The following UCK2 variants were observed in gnomAD, a reference collection of about 807,000 sequenced individuals.
UCK2 encodes the protein cytidine monophosphokinase 2.
Under a neutral mutation model 30.8 loss-of-function variants are expected in UCK2, and 6 were observed. The ratio of observed to expected loss-of-function variants is 0.19; its 90% CI spans 0.11 to 0.38. UCK2 has a LOEUF of 0.38. UCK2 is among the 10% of genes least tolerant of loss of function. UCK2 has a pLI of 1.00. For synonymous variants in UCK2, 125 were observed against 133.6 expected (o/e 0.94, Z 0.45); for missense variants, 210 against 339.8 (o/e 0.62, Z 3.00).
chr1:165,893,223 A>G (rs1050405222), intron 3 of UCK2, among the ~76,000 whole-genome samples: 2 of 152,222 alleles, frequency 1.3e-5, no homozygotes, highest in African/African-American at 4.8e-5. Context: ...GGGAAGTTGA[A>G]GACCTCGTGC....
intron 1 of UCK2, chr1:165,885,243 GAGA>G: frequency 2.5e-6 from 1 of 394,210 alleles, no homozygotes; most frequent in Middle Eastern, 6.4e-4. Flanking sequence ...CCTATGGTTT[GAGA>G]CTCAGCTTTG....
At chr1:165,896,473 C>G (rs1017028138) in intron 4 of UCK2, 141 bp downstream of exon 4, 1 of 930,912 alleles carries the variant, frequency 1.1e-6, no homozygotes, top group Admixed American at 2.2e-5. Flanking sequence ...TGGTCCAGCC[C>G]GGCTGCGTCA....
chr1:165,848,658 ACC>A (rs1187371771), intron 1 of UCK2, among the ~76,000 whole-genome samples: 2 of 150,690 alleles, frequency 1.3e-5, no homozygotes, highest in Non-Finnish European at 3.0e-5. Context: ...ACACACACAC[ACC>A]CACACACACA....
At chr1:165,882,870 G>T (rs951620446) in intron 1 of UCK2, among the ~76,000 whole-genome samples, 2 of 152,112 alleles carry the variant, frequency 1.3e-5, no homozygotes, top group African/African-American at 4.8e-5. Flanking sequence ...CTGTCACGAG[G>T]CTGGAGTGCA....
At chr1:165,872,210 G>C (rs1481270215) in intron 1 of UCK2, among the ~76,000 whole-genome samples, 1 of 152,150 alleles carries the variant, frequency 6.6e-6, no homozygotes, top group African/African-American at 2.4e-5. Context: ...AAGTAGCTGG[G>C]ATCATAGGTG....
intron 1 of UCK2, among the ~76,000 whole-genome samples, chr1:165,837,643 A>C: frequency 6.6e-6 from 1 of 152,152 alleles, no homozygotes. Context: ...TTGCTTGTTT[A>C]GTCTATCTTC....
chr1:165,890,182 G>A, intron 1 of UCK2, 22 bp from the exon 2 acceptor site: 1 of 1,613,038 alleles, frequency 6.2e-7, no homozygotes, highest in African/African-American at 1.3e-5. Flanking sequence ...TTATTCCTGG[G>A]TGCTCTCTTC....
Position 165,890,475 on chromosome 1 carries a change from A to C in UCK2, c.259+112A>C. ...CTCTCGGAATCTTGTTTCTATCTAG[A>C]ACGTAGGGACTTGATAACTACCTTG... On this transcript the variant is annotated intron_variant, in intron 2 of 6. Transcript: ENST00000367879. 3.7e-6 allele frequency: 4 copies of C among 1,086,288 alleles called. No individual in the cohort carries two copies. The South Asian group carries it at 6.0e-5, about 16-fold the overall frequency. 67.3% of individuals were successfully genotyped at this position (1,086,288 alleles called of 1,614,324 possible).
intron 1 of UCK2, among the ~76,000 whole-genome samples, chr1:165,881,697 C>G (rs1473215163): frequency 4.6e-5 from 7 of 152,160 alleles, no homozygotes; most frequent in Admixed American, 4.6e-4. Context: ...TGACATATAG[C>G]ATGTTCTGTG....
chr1:165,898,496 T>G (rs1432164455), intron 4 of UCK2, among the ~76,000 whole-genome samples: 1 of 152,144 alleles, frequency 6.6e-6, no homozygotes, highest in Non-Finnish European at 1.5e-5. Flanking sequence ...TCCAAGGGGA[T>G]CTGCTCCGGT....
At chr1:165,896,479 C>A in intron 4 of UCK2, 147 bp downstream of exon 4, 2 of 865,514 alleles carry the variant, frequency 2.3e-6, no homozygotes, top group Non-Finnish European at 1.8e-6. Flanking sequence ...AGCCCGGCTG[C>A]GTCAGTCCAG....
At chr1:165,867,674 A>G (rs890651563) in intron 1 of UCK2, among the ~76,000 whole-genome samples, 3 of 152,250 alleles carry the variant, frequency 2.0e-5, no homozygotes, top group African/African-American at 7.2e-5. Context: ...TGAGATTGCA[A>G]CAATTCAGTC....
chr1:165,843,604 C>T, intron 1 of UCK2, among the ~76,000 whole-genome samples: 1 of 152,074 alleles, frequency 6.6e-6, no homozygotes, highest in Non-Finnish European at 1.5e-5. Flanking sequence ...TAGTAGAACC[C>T]CCCATCTCTA....
chr1:165,867,329 C>T (rs532938165), intron 1 of UCK2, among the ~76,000 whole-genome samples: 144 of 152,266 alleles, frequency 9.5e-4, no homozygotes, highest in Non-Finnish European at 1.7e-3. Context: ...AAGTTTGCCA[C>T]GTTGATTGAC....
intron 1 of UCK2, among the ~76,000 whole-genome samples, chr1:165,857,791 C>G (rs1229144532): frequency 1.3e-5 from 2 of 152,178 alleles, no homozygotes. Flanking sequence ...TGGCTGACAT[C>G]TGTCATTCTA....
intron 1 of UCK2, among the ~76,000 whole-genome samples, chr1:165,839,896 G>A (rs1250200573): frequency 6.6e-6 from 1 of 152,234 alleles, no homozygotes; most frequent in East Asian, 1.9e-4. Context: ...CAGATGTGCT[G>A]TCAGAACAGG....
At chr1:165,844,838 C>T (rs1293123884) in intron 1 of UCK2, among the ~76,000 whole-genome samples, 2 of 152,182 alleles carry the variant, frequency 1.3e-5, no homozygotes, top group Admixed American at 6.5e-5. Flanking sequence ...GTGACTGCCT[C>T]GAGAGGGTGT....
At chr1:165,850,357 C>T (rs1654558124) in intron 1 of UCK2, among the ~76,000 whole-genome samples, 2 of 152,038 alleles carry the variant, frequency 1.3e-5, no homozygotes, top group African/African-American at 4.8e-5. Context: ...CTCAAACTCT[C>T]GACCTCAAGT....
chr1:165,837,293 T>C (rs1654219466), intron 1 of UCK2, among the ~76,000 whole-genome samples: 1 of 152,218 alleles, frequency 6.6e-6, no homozygotes, highest in East Asian at 1.9e-4. Flanking sequence ...CCCTTACATT[T>C]TGACAGTTCT....
Sources: gnomAD v4.1 joint callset for allele counts (sites outside exome capture counted in the v4.1 genomes callset) on GRCh38, gnomAD v4.1.1 for gene constraint, MANE v1.5 for transcripts, NCBI Gene and HGNC (gene_info 2026-07-23, HGNC 2026-07-21) for gene names.